Variants in RBFOX1 observed in about 807,000 individuals in gnomAD.
RBFOX1 encodes RNA binding fox-1 homolog 1, also known as RNA binding protein fox-1 homolog 1.
RBFOX1 carries 8 observed loss-of-function variants against 57.7 expected under a neutral mutation model. The observed-to-expected ratio is 0.14, with a 90% CI of 0.08 to 0.25. The LOEUF (loss-of-function observed/expected upper bound fraction) is 0.25. RBFOX1 is among the 10% of genes least tolerant of loss of function. The pLI, the probability that RBFOX1 is intolerant of heterozygous loss-of-function variation, is 1.00. For synonymous variants in RBFOX1, 326 were observed against 222.4 expected, an observed-to-expected ratio of 1.47 and a Z score of -4.15; for missense variants, 611 against 548.5, an observed-to-expected ratio of 1.11 and a Z score of -1.14.
intron 3 of RBFOX1, among the ~76,000 whole-genome samples, chr16:6,810,399 C>T (rs948775476): frequency 2.0e-5 from 3 of 152,004 alleles, no homozygotes; most frequent in African/African-American, 4.8e-5. Context: ...ATAAACTAAG[C>T]GTGGACAATG....
chr16:5,650,729 C>T (rs1282423585), intron 3 of RBFOX1, among the ~76,000 whole-genome samples: 1 of 152,094 alleles, frequency 6.6e-6, no homozygotes, highest in Non-Finnish European at 1.5e-5. Flanking sequence ...CTTCCCTTGC[C>T]TCTCTCCCTC....
chr16:6,011,820 G>A (rs1386880034), intron 4 of RBFOX1, among the ~76,000 whole-genome samples: 1 of 152,182 alleles, frequency 6.6e-6, no homozygotes, highest in Non-Finnish European at 1.5e-5. Flanking sequence ...CGAGGAGGTT[G>A]TGATCAGGTC....
At chr16:6,974,919 C>G (rs1224075859) in intron 3 of RBFOX1, among the ~76,000 whole-genome samples, 1 of 152,096 alleles carries the variant, frequency 6.6e-6, no homozygotes, top group Non-Finnish European at 1.5e-5. Context: ...GTCCTGGACC[C>G]TCCCTCTTTT....
At chr16:5,822,536 A>G (rs2055893000) in intron 3 of RBFOX1, among the ~76,000 whole-genome samples, 1 of 152,244 alleles carries the variant, frequency 6.6e-6, no homozygotes, top group Non-Finnish European at 1.5e-5. Flanking sequence ...ACTCTATAGC[A>G]TAGATCCTAT....
chr16:6,217,426 A>G (rs907121077), intron 1 of RBFOX1, among the ~76,000 whole-genome samples: 1 of 152,102 alleles, frequency 6.6e-6, no homozygotes, highest in African/African-American at 2.4e-5. Flanking sequence ...AAACGTGATA[A>G]TCAAACATTT....
intron 1 of RBFOX1, among the ~76,000 whole-genome samples, chr16:6,034,457 T>A (rs530117806): frequency 1.3e-5 from 2 of 151,458 alleles, no homozygotes; most frequent in South Asian, 2.1e-4. Context: ...CAATGTCTAG[T>A]GAGGGATGCC....
chr16:6,288,535 T>C (rs754961422), intron 1 of RBFOX1, among the ~76,000 whole-genome samples: 1 of 152,204 alleles, frequency 6.6e-6, no homozygotes, highest in Non-Finnish European at 1.5e-5. Context: ...ACATGTCCTA[T>C]GCTAGATACT....
chr16:5,582,186 C>T (rs2046689930), intron 2 of RBFOX1, among the ~76,000 whole-genome samples: 1 of 152,324 alleles, frequency 6.6e-6, no homozygotes, highest in Middle Eastern at 3.4e-3. Flanking sequence ...GACCTCACTC[C>T]CATGAGGTTG....
At chr16:6,150,518 A>G (rs1003297816) in intron 1 of RBFOX1, among the ~76,000 whole-genome samples, 1 of 152,042 alleles carries the variant, frequency 6.6e-6, no homozygotes, top group South Asian at 2.1e-4. Context: ...TCTGTTCTCT[A>G]TGTTTTCCTT....
intron 3 of RBFOX1, among the ~76,000 whole-genome samples, chr16:5,856,187 C>CTCTCTCTCTCTCTATATATATA (rs1430331422): frequency 3.2e-5 from 1 of 31,066 alleles, no homozygotes; most frequent in African/African-American, 1.4e-4. Flanking sequence ...CTCTCTCTCT[C>CTCTCTCTCTCTCTATATATATA]TATATATATA....
At chr16:7,521,777 T>C (rs960414802) in intron 5 of RBFOX1, among the ~76,000 whole-genome samples, 3 of 152,232 alleles carry the variant, frequency 2.0e-5, no homozygotes, top group Non-Finnish European at 2.9e-5. Context: ...GACTTCTGGT[T>C]ACAGGAAAGA....
intron 3 of RBFOX1, among the ~76,000 whole-genome samples, chr16:6,838,979 ATTTTCTTTT>A (rs1310052649): frequency 1.3e-5 from 2 of 150,416 alleles, no homozygotes; most frequent in African/African-American, 4.9e-5. Context: ...TGTATCCATC[ATTTTCTTTT>A]TTTTCTTTAT....
At chr16:5,418,208 A>G (rs551995625) in intron 1 of RBFOX1, among the ~76,000 whole-genome samples, 66 of 152,336 alleles carry the variant, frequency 4.3e-4, no homozygotes, top group Non-Finnish European at 7.2e-4. Context: ...TTAATGGTCA[A>G]TAGTGTAGTT....
intron 4 of RBFOX1, among the ~76,000 whole-genome samples, chr16:7,224,942 G>C (rs1044952364): frequency 6.6e-6 from 1 of 152,148 alleles, no homozygotes; most frequent in African/African-American, 2.4e-5. Context: ...GTGATGAGGA[G>C]GGTGATAAGA....
chr16:5,535,721 T>A (rs1198020224), intron 2 of RBFOX1, among the ~76,000 whole-genome samples: 2 of 152,204 alleles, frequency 1.3e-5, no homozygotes, highest in East Asian at 3.8e-4. Context: ...ATTTTCTGTT[T>A]CCCTATCAAG....
At chr16:6,456,776 T>C (rs966289659) in intron 2 of RBFOX1, among the ~76,000 whole-genome samples, 8 of 152,144 alleles carry the variant, frequency 5.3e-5, no homozygotes, top group African/African-American at 1.9e-4. Flanking sequence ...ATTTAACTTG[T>C]AGATCAATTG....
At chr16:6,363,498 A>C (rs2089000897) in intron 2 of RBFOX1, among the ~76,000 whole-genome samples, 1 of 152,190 alleles carries the variant, frequency 6.6e-6, no homozygotes, top group Non-Finnish European at 1.5e-5. Context: ...TATTTGTTTA[A>C]ATAATTGCGT....
intron 4 of RBFOX1, among the ~76,000 whole-genome samples, chr16:5,870,512 G>C (rs970220141): frequency 3.9e-5 from 6 of 152,034 alleles, no homozygotes; most frequent in Non-Finnish European, 4.4e-5. Context: ...ATTAGGAAGT[G>C]TAGGAATGCT....
chr16:7,041,934 G>A (rs1354636033), intron 3 of RBFOX1, among the ~76,000 whole-genome samples: 1 of 152,120 alleles, frequency 6.6e-6, no homozygotes, highest in African/African-American at 2.4e-5. Context: ...GGTACAAATG[G>A]GGAAATTGCC....
Sources: allele counts gnomAD v4.1 joint callset (sites outside exome capture counted in the v4.1 genomes callset), GRCh38; gene constraint gnomAD v4.1.1; transcripts MANE v1.5; gene names NCBI Gene and HGNC (gene_info 2026-07-23, HGNC 2026-07-21).